SNTG1: variants seen among roughly 807,000 people sequenced by gnomAD.
The protein encoded by SNTG1 is syntrophin gamma 1.
Under a neutral mutation model 74.7 loss-of-function variants are expected in SNTG1, and 39 were observed. The ratio of observed to expected loss-of-function variants is 0.52; its 90% confidence interval spans 0.40 to 0.68. SNTG1 has a LOEUF of 0.68. Ranked by LOEUF, SNTG1 falls within the 30% of genes least tolerant of loss-of-function variation. The pLI is 0.00. For missense variants in SNTG1, 685 were observed against 609.5 expected (o/e 1.12, Z -1.30); for synonymous variants, 254 against 217.1 (o/e 1.17, Z -1.49).
intron 2 of SNTG1, among the ~76,000 whole-genome samples, chr8:50,351,612 G>A (rs773983379): frequency 4.6e-5 from 7 of 151,974 alleles, no homozygotes; most frequent in Admixed American, 1.3e-4. Context: ...CACACATGCT[G>A]GAGTAAAAAA....
rs79724796 is a variant in SNTG1, at chr8:50,111,040, C to A, written c.-102-61521C>A. Among the ~76,000 whole-genome samples the A allele has an allele frequency of 8.8e-3, 1,342 of 152,252 alleles. 28 individuals carry two copies. The highest frequency in any genetic ancestry group is 0.03 in the African/African-American group (1,265 of 41,550). The stretch of plus-strand genomic sequence containing the variant: ...CCTGCAAGTTGTAATGTGATGACTT[C>A]TGGTTTAGACAGATTTTCTGAGGAG... On this transcript the variant is annotated intron_variant, in intron 1 of 18. Coordinates refer to ENST00000642720, the MANE Select transcript of SNTG1 (RefSeq NM_018967.5).
Position 50,136,817 on chromosome 8 carries a change from T to G in SNTG1, c.-102-35744T>G, listed in dbSNP as rs142665666. On this transcript the variant is annotated intron_variant, in intron 1 of 18. Transcript: ENST00000642720. ...TAGCCCCATGGCAACTCACAGGGAC[T>G]CTGACAGAGTACATACAGGGGTCAG... Among the ~76,000 whole-genome samples the G allele has an allele frequency of 2.0e-5, 3 of 152,250 alleles. No individual in the cohort carries two copies. In the East Asian group the frequency reaches 5.8e-4, roughly 29 times the overall value.
chr8:50,078,494 A>G (rs985115223), intron 1 of SNTG1, among the ~76,000 whole-genome samples: 4 of 152,076 alleles, frequency 2.6e-5, no homozygotes, highest in African/African-American at 9.7e-5. Context: ...TTTTATTCTT[A>G]GATACATTAT....
intron 1 of SNTG1, among the ~76,000 whole-genome samples, chr8:50,088,136 A>G (rs1823087986): frequency 6.6e-6 from 1 of 150,600 alleles, no homozygotes; most frequent in Non-Finnish European, 1.5e-5. Flanking sequence ...GCTGCATAGT[A>G]TTCCATGGCG....
chr8:50,769,376 A>G (rs945042337), intron 18 of SNTG1, among the ~76,000 whole-genome samples: 15 of 152,016 alleles, frequency 9.9e-5, no homozygotes, highest in African/African-American at 3.4e-4. Context: ...AAGTAAGAAC[A>G]TTTTGAAAAT....
At position 50,536,790 on chromosome 8, in the gene SNTG1, C is replaced by G. The variant is rs1361728642; in HGVS notation, c.662C>G (p.Pro221Arg). 2.5e-6 allele frequency: 4 copies of G among 1,613,778 alleles called. No homozygotes were observed. The highest frequency in any genetic ancestry group is 1.6e-4 in the Middle Eastern group (1 of 6,080). ...LLHSRFSQYV[P>R]GTDLSRQNAF... ...CATTCGCGCTTCTCTCAGTATGTGC[C>G]CGGCACAGATTTGAGTCGGTGAGTC... The change falls in exon 11 of 19, where the codon CCC (proline) becomes CGC (arginine). Residue 221 changes from proline (P) to arginine (R), a missense_variant. Coordinates refer to ENST00000642720, the MANE Select transcript of SNTG1 (RefSeq NM_018967.5).
At chr8:50,515,045 C>T (rs1298615503) in intron 9 of SNTG1, among the ~76,000 whole-genome samples, 2 of 152,212 alleles carry the variant, frequency 1.3e-5, no homozygotes, top group Admixed American at 1.3e-4. Context: ...ACTCTGCTCC[C>T]TTTTATATCA....
chr8:50,529,229 C>T (rs1180419893), intron 9 of SNTG1, among the ~76,000 whole-genome samples: 3 of 151,690 alleles, frequency 2.0e-5, no homozygotes, highest in Admixed American at 6.6e-5. Context: ...ATAACTAAAA[C>T]ATAGTGTGAT....
chr8:50,468,310 G>T (rs1345802180), intron 8 of SNTG1, among the ~76,000 whole-genome samples: 1 of 151,940 alleles, frequency 6.6e-6, no homozygotes, highest in Non-Finnish European at 1.5e-5. Context: ...ACATGCTGTT[G>T]TTAGATTGTC....
At chr8:50,741,653 A>G (rs879735529) in intron 17 of SNTG1, among the ~76,000 whole-genome samples, 11 of 152,080 alleles carry the variant, frequency 7.2e-5, no homozygotes, top group Non-Finnish European at 1.3e-4. Flanking sequence ...TGAATGGATA[A>G]CTAAACTATG....
intron 2 of SNTG1, among the ~76,000 whole-genome samples, chr8:50,223,319 A>C (rs1380282625): frequency 6.6e-6 from 1 of 152,140 alleles, no homozygotes; most frequent in Non-Finnish European, 1.5e-5. Flanking sequence ...CCACAAGCAG[A>C]ATAGCTTAGT....
chr8:50,267,461 A>G (rs961821530), intron 2 of SNTG1, among the ~76,000 whole-genome samples: 9 of 152,160 alleles, frequency 5.9e-5, no homozygotes, highest in Non-Finnish European at 1.0e-4. Context: ...TATGAGCTAT[A>G]CTTTACATAC....
intron 1 of SNTG1, among the ~76,000 whole-genome samples, chr8:49,914,417 C>A (rs1334332721): frequency 6.7e-6 from 1 of 149,544 alleles, no homozygotes; most frequent in African/African-American, 2.5e-5. Flanking sequence ...CTGTTGCTTA[C>A]ATTTGAGACT....
chr8:50,239,878 G>T (rs1031438836), intron 2 of SNTG1, among the ~76,000 whole-genome samples: 1 of 152,026 alleles, frequency 6.6e-6, no homozygotes, highest in Non-Finnish European at 1.5e-5. Context: ...TCCAGACCTC[G>T]GTCTCAATTT....
At chr8:50,036,584 A>G (rs1818186778) in intron 1 of SNTG1, among the ~76,000 whole-genome samples, 1 of 152,214 alleles carries the variant, frequency 6.6e-6, no homozygotes, top group African/African-American at 2.4e-5. Flanking sequence ...CCTGATGGAC[A>G]GGCAGAAAGT....
At chr8:50,388,248 C>CCTTTTTCTCTCT (rs2092604891) in intron 2 of SNTG1, among the ~76,000 whole-genome samples, 1 of 152,100 alleles carries the variant, frequency 6.6e-6, no homozygotes, top group African/African-American at 2.4e-5. Context: ...TAAGAGCAAA[C>CCTTTTTCTCTCT]AACCAATCTT....
At chr8:50,100,997 G>T (rs2131228243) in intron 1 of SNTG1, among the ~76,000 whole-genome samples, 1 of 152,038 alleles carries the variant, frequency 6.6e-6, no homozygotes, top group East Asian at 1.9e-4. Flanking sequence ...TGTATTCAAT[G>T]TTTATCTCCA....
chr8:50,780,429 T>A (rs2095655557), intron 18 of SNTG1, among the ~76,000 whole-genome samples: 2 of 152,220 alleles, frequency 1.3e-5, no homozygotes, highest in South Asian at 4.1e-4. Context: ...GGTTTAGTCT[T>A]GGTAGCGTGT....
chr8:50,076,078 T>G lies in SNTG1; in HGVS notation c.-102-96483T>G, dbSNP rs75131219. Among the ~76,000 whole-genome samples, 74 of 152,200 alleles carry G rather than the reference T, an allele frequency of 4.9e-4. 1 individual carries two copies. The East Asian group carries it at 0.014, about 29-fold the overall frequency. ...TCTTCAATTTGTAAAAAATCCAATA[T>G]CTGTAAAGTGCAATCAAGCGAAGTG... On this transcript the variant is annotated intron_variant, in intron 1 of 18. Transcript: ENST00000642720.
Sources: gnomAD v4.1 joint callset for allele counts (sites outside exome capture counted in the v4.1 genomes callset) on GRCh38, gnomAD v4.1.1 for gene constraint, MANE v1.5 for transcripts, NCBI Gene and HGNC (gene_info 2026-07-23, HGNC 2026-07-21) for gene names.